Variants in PVT1 observed in about 807,000 individuals in gnomAD.
PVT1 encodes CXCR4/PVT1 fusion.
chr8:127,896,184 A>C (rs893339180), intron 3 of PVT1, among the ~76,000 whole-genome samples: 6 of 152,182 alleles, frequency 3.9e-5, no homozygotes, highest in Non-Finnish European at 7.3e-5. Context: ...GCAGACATTT[A>C]CTGAGGGCTT....
chr8:127,911,692 A>G (rs1314582259), intron 3 of PVT1, among the ~76,000 whole-genome samples: 1 of 152,198 alleles, frequency 6.6e-6, no homozygotes, highest in Non-Finnish European at 1.5e-5. Flanking sequence ...CAGTCATAGA[A>G]CTAGGGCTTA....
intron 4 of PVT1, among the ~76,000 whole-genome samples, chr8:128,017,227 G>A (rs558197476): frequency 6.7e-4 from 102 of 152,270 alleles, no homozygotes; most frequent in African/African-American, 2.4e-3. Flanking sequence ...TTGTATGGAG[G>A]TCCTAGAGTC....
intron 4 of PVT1, among the ~76,000 whole-genome samples, chr8:128,008,221 A>T (rs116731228): frequency 6.6e-6 from 1 of 152,166 alleles, no homozygotes; most frequent in East Asian, 1.9e-4. Flanking sequence ...AGGCTTTTGT[A>T]GTTACTGTGA....
chr8:127,898,363 C>G lies in PVT1; in HGVS notation n.782+7365C>G, dbSNP rs772256205. On this transcript the variant is annotated intron_variant and non_coding_transcript_variant, in intron 3 of 10. Transcript: ENST00000651587. This position sits in a 1 kb window ranked among gnomAD's most constrained non-coding sequence, Gnocchi z 4.4. The stretch of plus-strand genomic sequence containing the variant: ...AAAGGAAAGAAAGATTCATTACTAT[C>G]CTTTGGACCTGAGTGGTGTTTTCAG... 2.4e-4 allele frequency among the ~76,000 whole-genome samples: 36 copies of G among 152,188 alleles called. No homozygotes were observed. Among genetic ancestry groups the G allele is most frequent in the Admixed American group, 1.5e-3 (23 of 15,276 alleles).
At chr8:127,958,902 G>A (rs900336705) in intron 3 of PVT1, among the ~76,000 whole-genome samples, 1 of 152,206 alleles carries the variant, frequency 6.6e-6, no homozygotes, top group Non-Finnish European at 1.5e-5. Flanking sequence ...AGTCCTCCTA[G>A]CTCACTGTGA....
intron 3 of PVT1, among the ~76,000 whole-genome samples, chr8:127,942,811 T>C (rs1816368704): frequency 6.6e-6 from 1 of 152,246 alleles, no homozygotes; most frequent in African/African-American, 2.4e-5. Flanking sequence ...TCTCCTGTCC[T>C]GGGTACTCTT....
intron 4 of PVT1, among the ~76,000 whole-genome samples, chr8:128,061,921 A>G (rs1482566715): frequency 1.3e-5 from 2 of 151,896 alleles, no homozygotes; most frequent in African/African-American, 2.4e-5. Flanking sequence ...GAAAAAACAT[A>G]GAAAGAGAGG....
At chr8:127,859,879 C>G (rs1815200497) in intron 2 of PVT1, among the ~76,000 whole-genome samples, 1 of 151,856 alleles carries the variant, frequency 6.6e-6, no homozygotes, top group South Asian at 2.1e-4. Flanking sequence ...GTTTCTTTGT[C>G]TCTACAAGCA....
At chr8:127,853,609 T>TG (rs1329032614) in intron 2 of PVT1, among the ~76,000 whole-genome samples, 1 of 151,970 alleles carries the variant, frequency 6.6e-6, no homozygotes, top group African/African-American at 2.4e-5. Flanking sequence ...GGTGAAACCC[T>TG]GTCTGTACTA....
In PVT1 at chr8:127,845,111, G is replaced by T. The variant is rs115041074; in HGVS notation, n.373-45478G>T. 6.4e-3 allele frequency among the ~76,000 whole-genome samples: 981 copies of T among 152,266 alleles called. 8 individuals carry two copies. The highest frequency in any genetic ancestry group is 0.022 in the African/African-American group (933 of 41,544). ...GTGTTGGTTGTAGTAGTGGGGAAAG[G>T]TTTCTTAAATGAGGTGTGTTTAGAA... On this transcript the variant is annotated intron_variant and non_coding_transcript_variant, in intron 2 of 10. Transcript: ENST00000651587.
At chr8:127,868,491 A>G (rs1252724921) in intron 2 of PVT1, among the ~76,000 whole-genome samples, 4 of 151,794 alleles carry the variant, frequency 2.6e-5, no homozygotes, top group Non-Finnish European at 5.9e-5. Flanking sequence ...GGGTTCAAGC[A>G]ATTTTCGTGC....
intron 3 of PVT1, among the ~76,000 whole-genome samples, chr8:127,910,609 A>G (rs1307445519): frequency 6.6e-6 from 1 of 152,234 alleles, no homozygotes; most frequent in African/African-American, 2.4e-5. Flanking sequence ...TAATTAGATT[A>G]GTAACTAATA....
chr8:127,818,591 A>G (rs1471640244), intron 2 of PVT1, among the ~76,000 whole-genome samples: 2 of 152,216 alleles, frequency 1.3e-5, no homozygotes, highest in Non-Finnish European at 2.9e-5. Context: ...ACCAGAAGCC[A>G]CAAAAAATTG....
intron 2 of PVT1, among the ~76,000 whole-genome samples, chr8:127,879,740 A>G (rs1815444444): frequency 6.6e-6 from 1 of 152,186 alleles, no homozygotes; most frequent in African/African-American, 2.4e-5. Context: ...TGCTCTCAGA[A>G]CCAGCACTCA....
chr8:127,812,647 AAGGGAAGGGAAGGAAGGG>A (rs1162762956), intron 2 of PVT1, among the ~76,000 whole-genome samples: 1 of 145,430 alleles, frequency 6.9e-6, no homozygotes, highest in Non-Finnish European at 1.5e-5. Flanking sequence ...GAAGGAAGGG[AAGGGAAGGGAAGGAAGGG>A]AGGGAAGGGA....
intron 4 of PVT1, among the ~76,000 whole-genome samples, chr8:128,002,847 G>A (rs1158052763): frequency 6.6e-6 from 1 of 152,046 alleles, no homozygotes; most frequent in Non-Finnish European, 1.5e-5. Context: ...AGAGTATAAG[G>A]AGAAAATGTT....
intron 3 of PVT1, among the ~76,000 whole-genome samples, chr8:127,907,266 G>C (rs921236391): frequency 3.9e-5 from 6 of 152,126 alleles, no homozygotes. Flanking sequence ...ACCATGCCCG[G>C]CCTTCCCTGG....
intron 4 of PVT1, among the ~76,000 whole-genome samples, chr8:128,061,650 C>T (rs146086036): frequency 1.3e-4 from 20 of 152,266 alleles, no homozygotes; most frequent in African/African-American, 4.3e-4. Context: ...GCTCATTATT[C>T]GTGTTTATCT....
chr8:127,949,421 G>GTGTGTGTGTGTGTGTGTA (rs1480368315), intron 3 of PVT1, among the ~76,000 whole-genome samples: 2 of 149,318 alleles, frequency 1.3e-5, no homozygotes, highest in Non-Finnish European at 3.0e-5. Flanking sequence ...GTGTGTGTGT[G>GTGTGTGTGTGTGTGTGTA]TGTATCTGTC....
Sources: gnomAD v4.1 joint callset for allele counts (sites outside exome capture counted in the v4.1 genomes callset) on GRCh38, gnomAD v4.1.1 for gene constraint, Gnocchi (gnomAD v3.1) non-coding constraint, MANE v1.5 for transcripts, NCBI Gene and HGNC (gene_info 2026-07-23, HGNC 2026-07-21) for gene names.